Variants in IGSF3 observed in about 807,000 individuals in gnomAD.
The protein encoded by IGSF3 is immunoglobulin superfamily member 3.
A neutral mutation model predicts 114.4 loss-of-function variants in IGSF3; 23 were observed. The observed-to-expected ratio is 0.20, with a 90% confidence interval of 0.14 to 0.28. The LOEUF (loss-of-function observed/expected upper bound fraction) is 0.28. IGSF3 is among the 10% of genes least tolerant of loss of function. The pLI, the probability that IGSF3 is intolerant of heterozygous loss-of-function variation, is 1.00. For synonymous variants in IGSF3, 571 were observed against 645.2 expected (o/e 0.88, Z 1.74); for missense variants, 1,172 against 1,591.5 (o/e 0.74, Z 4.48).
Position 116,589,188 on chromosome 1 carries a change from C to T in IGSF3, c.2030-84G>A. The T allele has an allele frequency of 7.7e-7, 1 of 1,299,690 alleles. No homozygotes were observed. 80.5% of individuals were successfully genotyped at this position (1,299,690 alleles called of 1,614,324 possible). The stretch of plus-strand genomic sequence containing the variant: ...ACCTCCAGGCTCTGAGCCAGGTTTC[C>T]TCCAGCACAGTTCCTGGGGGATTTA... On this transcript the variant is annotated intron_variant, in intron 7 of 10. Coordinates refer to ENST00000369486, the MANE Select transcript of IGSF3 (RefSeq NM_001007237.3). This position sits in a 1 kb window ranked among gnomAD's most constrained non-coding sequence, Gnocchi z 5.7.
Position 116,614,021 on chromosome 1 carries a change from G to A in IGSF3, c.576C>T (p.Pro192=), listed in dbSNP as rs772393202. 34 of 1,613,972 alleles carry A rather than the reference G, an allele frequency of 2.1e-5. No individual in the cohort carries two copies. The highest frequency in any genetic ancestry group is 4.5e-5 in the East Asian group (2 of 44,902). The change falls in exon 4 of 11, where the codon CCC becomes CCT. Residue 192 remains proline, a synonymous_variant. Coordinates refer to ENST00000369486, the MANE Select transcript of IGSF3 (RefSeq NM_001007237.3). The surrounding 1 kb of genome is among the most constrained non-coding windows in gnomAD (Gnocchi z 4.5). ...AWLRQKVGEK[P]VEVISLSRDF... ...CTCGGCTCAGGGAGATGACCTCCACGGGCTTCTCGCCAACTTTCTGCCGGA... is the reference window on the plus strand; with the variant it reads ...CTCGGCTCAGGGAGATGACCTCCACAGGCTTCTCGCCAACTTTCTGCCGGA...
At position 116,627,147 on chromosome 1, in the gene IGSF3, A is replaced by C. The variant is rs1647327551; in HGVS notation, c.44-10690T>G. The stretch of plus-strand genomic sequence containing the variant: ...GGCTGAGTGTTGGGCATTTTTTTTT[A>C]AAGAGGGCAGCTTCGTGGCAACACT... On this transcript the variant is annotated intron_variant, in intron 2 of 10. Coordinates refer to ENST00000369486, the MANE Select transcript of IGSF3 (RefSeq NM_001007237.3). This position sits in a 1 kb window ranked among gnomAD's most constrained non-coding sequence, Gnocchi z 4.7. Among the ~76,000 whole-genome samples, 2 of 151,934 alleles carry C rather than the reference A, an allele frequency of 1.3e-5. No individual in the cohort carries two copies. The highest frequency in any genetic ancestry group is 4.8e-5 in the African/African-American group (2 of 41,458).
At chr1:116,620,491 C>A (rs570087287) in intron 2 of IGSF3, among the ~76,000 whole-genome samples, 1 of 152,298 alleles carries the variant, frequency 6.6e-6, no homozygotes, top group South Asian at 2.1e-4. Context: ...CCTCTCAGAC[C>A]TTGCCCTATG....
chr1:116,614,624 C>T lies in IGSF3; in HGVS notation c.422-449G>A, dbSNP rs1382689413. On this transcript the variant is annotated intron_variant, in intron 3 of 10. Coordinates refer to ENST00000369486, the MANE Select transcript of IGSF3 (RefSeq NM_001007237.3). The surrounding 1 kb of genome is among the most constrained non-coding windows in gnomAD (Gnocchi z 4.5). ...ATTTCTATACAACATCCTTTCTTTC[C>T]TTCCCACATCCCCATCCTGTAACTT... Among the ~76,000 whole-genome samples the T allele has an allele frequency of 6.6e-6, 1 of 152,186 alleles. No homozygotes were observed. The highest frequency in any genetic ancestry group is 1.9e-4 in the East Asian group (1 of 5,200).
intron 2 of IGSF3, among the ~76,000 whole-genome samples, chr1:116,622,259 C>T (rs2336264): frequency 1.9e-4 from 29 of 152,270 alleles, no homozygotes; most frequent in Middle Eastern, 6.8e-3. Context: ...AGTAATACAA[C>T]ATACCATGTA....
At position 116,618,741 on chromosome 1, in the gene IGSF3, G is replaced by T. The variant is rs1219645883; in HGVS notation, c.44-2284C>A. ...AAATATGGTGACATTTTAATCAAAT[G>T]ATTGCAGTATTCCTGAAACACAGAA... On this transcript the variant is annotated intron_variant, in intron 2 of 10. Transcript: ENST00000369486. This position sits in a 1 kb window ranked among gnomAD's most constrained non-coding sequence, Gnocchi z 4.7. 6.6e-6 allele frequency among the ~76,000 whole-genome samples: 1 copy of T among 152,150 alleles called. No individual in the cohort carries two copies. The highest frequency in any genetic ancestry group is 1.5e-5 in the Non-Finnish European group (1 of 68,018).
chr1:116,623,114 C>T (rs922514270), intron 2 of IGSF3, among the ~76,000 whole-genome samples: 7 of 152,216 alleles, frequency 4.6e-5, no homozygotes, highest in Admixed American at 6.5e-5. Flanking sequence ...TGTCAGCCTT[C>T]GGCCAAGGAA....
rs1394129120 is a variant in IGSF3, at chr1:116,651,902, T to C, written c.43+14382A>G. 1.3e-5 allele frequency among the ~76,000 whole-genome samples: 2 copies of C among 152,224 alleles called. No homozygotes were observed. The highest frequency in any genetic ancestry group is 2.4e-5 in the African/African-American group (1 of 41,456). On this transcript the variant is annotated intron_variant, in intron 2 of 10. Coordinates refer to ENST00000369486, the MANE Select transcript of IGSF3 (RefSeq NM_001007237.3). This position sits in a 1 kb window ranked among gnomAD's most constrained non-coding sequence, Gnocchi z 4.4. ...ACTGCCTGACTTCTTTGCTAGCCTATAAACTACACAAAGATGAGGATTATG... is the reference window on the plus strand; with the variant it reads ...ACTGCCTGACTTCTTTGCTAGCCTACAAACTACACAAAGATGAGGATTATG...
At chr1:116,580,335 G>A (rs1435173334) in intron 9 of IGSF3, among the ~76,000 whole-genome samples, 1 of 152,210 alleles carries the variant, frequency 6.6e-6, no homozygotes, top group East Asian at 1.9e-4. Context: ...GCAAAGAGGA[G>A]GTCTTGCTGG....
rs566640093 is a variant in IGSF3, at chr1:116,595,491, G to C, written c.2029+4450C>G. ...CTGGACTCATGGAAGTCAAAGAAAAGCCCTCTGCTATCCCAATCTGCCGGG... is the reference window on the plus strand; with the variant it reads ...CTGGACTCATGGAAGTCAAAGAAAACCCCTCTGCTATCCCAATCTGCCGGG... On this transcript the variant is annotated intron_variant, in intron 7 of 10. Coordinates refer to ENST00000369486, the MANE Select transcript of IGSF3 (RefSeq NM_001007237.3). This position sits in a 1 kb window ranked among gnomAD's most constrained non-coding sequence, Gnocchi z 4.2. 1.8e-4 allele frequency among the ~76,000 whole-genome samples: 28 copies of C among 152,264 alleles called. No individual in the cohort carries two copies. The highest frequency in any genetic ancestry group is 6.5e-4 in the African/African-American group (27 of 41,558).
intron 4 of IGSF3, among the ~76,000 whole-genome samples, chr1:116,611,931 G>A (rs1661039209): frequency 6.6e-6 from 1 of 152,110 alleles, no homozygotes; most frequent in South Asian, 2.1e-4. Context: ...GTGGAGACTG[G>A]CTACATGTTT....
chr1:116,617,938 C>A (rs2101511467), intron 2 of IGSF3, among the ~76,000 whole-genome samples: 1 of 152,398 alleles, frequency 6.6e-6, no homozygotes, highest in East Asian at 1.9e-4. Flanking sequence ...CTTCCCTTTT[C>A]CCCCACAAAT....
intron 4 of IGSF3, among the ~76,000 whole-genome samples, chr1:116,611,880 T>A (rs921843880): frequency 6.6e-6 from 1 of 152,096 alleles, no homozygotes; most frequent in Non-Finnish European, 1.5e-5. Flanking sequence ...CTAGTCATCT[T>A]TGAAGCCCTT....
intron 5 of IGSF3, among the ~76,000 whole-genome samples, chr1:116,604,577 T>TA (rs1660719686): frequency 6.6e-6 from 1 of 152,150 alleles, no homozygotes; most frequent in African/African-American, 2.4e-5. Context: ...TAAGTGTGGG[T>TA]AATAAGGGAG....
At chr1:116,641,551 AAAGAAAGAAG>A (rs1321727041) in intron 2 of IGSF3, among the ~76,000 whole-genome samples, 2,189 of 92,210 alleles carry the variant, frequency 0.024, 32 homozygotes, top group Non-Finnish European at 0.034. Flanking sequence ...AAAGAAAGAA[AAAGAAAGAAG>A]GAAAGAAAGA....
chr1:116,598,875 C>T lies in IGSF3; in HGVS notation c.2029+1066G>A, dbSNP rs1330108900. 5.3e-5 allele frequency among the ~76,000 whole-genome samples: 8 copies of T among 152,206 alleles called. No individual in the cohort carries two copies. The South Asian group carries it at 1.2e-3, about 24-fold the overall frequency. ...AGCTGCATGTACTTAACTCCTCCCA[C>T]GTGTCAGCTGAAGAGCCTGATGAAG... On this transcript the variant is annotated intron_variant, in intron 7 of 10. Transcript: ENST00000369486. This position sits in a 1 kb window ranked among gnomAD's most constrained non-coding sequence, Gnocchi z 4.3.
rs1240334366 is a variant in IGSF3 at position 116,606,945 on chromosome 1, T to C, written c.1222+997A>G. On this transcript the variant is annotated intron_variant, in intron 5 of 10. Transcript: ENST00000369486. ...CATAAAAAGAAAATAATCCAGTTGA[T>C]GAGAAAAGAAGAAAAGACTGACAAG... Among the ~76,000 whole-genome samples, 4 of 152,068 alleles carry C rather than the reference T, an allele frequency of 2.6e-5. No homozygotes were observed. In the East Asian group the frequency reaches 7.7e-4, roughly 29 times the overall value.
chr1:116,643,865 A>G (rs1648220366), intron 2 of IGSF3, among the ~76,000 whole-genome samples: 1 of 152,218 alleles, frequency 6.6e-6, no homozygotes. Flanking sequence ...GGAATCAGGG[A>G]AAGGGCAGGA....
chr1:116,606,647 G>A (rs1417336824), intron 5 of IGSF3: 3 of 665,162 alleles, frequency 4.5e-6, no homozygotes, highest in South Asian at 1.7e-5. Context: ...AGTAAACAGC[G>A]TGGCTGCCCT....
Sources: allele counts gnomAD v4.1 joint callset (sites outside exome capture counted in the v4.1 genomes callset), GRCh38; gene constraint gnomAD v4.1.1; non-coding constraint Gnocchi (gnomAD v3.1); transcripts MANE v1.5; gene names NCBI Gene and HGNC (gene_info 2026-07-23, HGNC 2026-07-21).